ZNF789: variants seen among roughly 807,000 people sequenced by gnomAD.
ZNF789 encodes zinc finger protein 789.
In ZNF789, 11 loss-of-function variants were observed where a neutral mutation model predicts 15.6. That is an observed-to-expected ratio of 0.70 (90% CI 0.44 to 1.16). ZNF789 has a LOEUF of 1.16. Among genes scored for constraint, ZNF789 ranks in the 50% most tolerant of loss-of-function variants. The pLI is 0.00. For synonymous variants in ZNF789, 159 were observed against 176.0 expected, an observed-to-expected ratio of 0.90 and a Z score of 0.76; for missense variants, 461 against 512.6, an observed-to-expected ratio of 0.90 and a Z score of 0.97.
At chr7:99,481,893 C>T in intron 3 of ZNF789, 1 of 416,074 alleles carries the variant, frequency 2.4e-6, no homozygotes, top group East Asian at 4.2e-5. Flanking sequence ...GCCTACTTTC[C>T]AGAAGTAACT....
chr7:99,486,568 G>GA lies in ZNF789; in HGVS notation c.360dup (p.Ser121IlefsTer3). On this transcript the variant is annotated frameshift_variant, in exon 5 of 5. Coordinates refer to ENST00000331410, the MANE Select transcript of ZNF789 (RefSeq NM_213603.3). LOFTEE classifies it low-confidence loss of function (END_TRUNC). ...ATATAAGATATCAGTGGTAATGCAG[G>GA]AATCAGCTGAGAAACTTTCAGAAAA... The GA allele has an allele frequency of 6.2e-7, 1 of 1,614,142 alleles. No individual in the cohort carries two copies. Among genetic ancestry groups the GA allele is most frequent in the Non-Finnish European group, 8.5e-7 (1 of 1,180,040 alleles).
intron 3 of ZNF789, chr7:99,482,259 G>T: frequency 1.3e-6 from 1 of 778,716 alleles, no homozygotes; most frequent in Non-Finnish European, 2.4e-6. Context: ...TTCTAAGAGC[G>T]AAATGACCAC....
At chr7:99,475,890 C>T (rs1373740209) in intron 1 of ZNF789, among the ~76,000 whole-genome samples, 1 of 151,286 alleles carries the variant, frequency 6.6e-6, no homozygotes, top group South Asian at 2.1e-4. Flanking sequence ...CTGCAACCTC[C>T]GCCTCCCAGG....
Position 99,487,219 on chromosome 7 carries a change from A to G in ZNF789, c.1009A>G (p.Lys337Glu), listed in dbSNP as rs1204963999. ...TLLCHQQIHS[K>E]PNTHKCSECG... ...TCTATGTCATCAACAGATTCACAGTAAACCGAACACCCATAAATGCAGTGA... is the reference window on the plus strand; with the variant it reads ...TCTATGTCATCAACAGATTCACAGTGAACCGAACACCCATAAATGCAGTGA... The change falls in exon 5 of 5, where the codon AAA becomes GAA. Residue 337 changes from lysine to glutamate, a missense_variant. Physicochemically the swap from Lys to Glu is moderately conservative, Grantham distance 56. Transcript: ENST00000331410. The G allele has an allele frequency of 1.9e-6, 3 of 1,614,232 alleles. No homozygotes were observed. The highest frequency in any genetic ancestry group is 1.7e-5 in the Admixed American group (1 of 60,018).
intron 4 of ZNF789, chr7:99,485,299 CCTGTG>C (rs1489154787): frequency 7.6e-7 from 1 of 1,314,020 alleles, no homozygotes; most frequent in South Asian, 1.3e-5. Flanking sequence ...TGGGGCATGT[CCTGTG>C]CATTTTAGGA....
intron 3 of ZNF789, among the ~76,000 whole-genome samples, chr7:99,482,567 G>A (rs1350672274): frequency 6.6e-6 from 1 of 152,074 alleles, no homozygotes; most frequent in Non-Finnish European, 1.5e-5. Context: ...AACAAAATTT[G>A]GGGTCAGGCA....
Position 99,482,242 on chromosome 7 carries a change from G to C in ZNF789, c.152-1788G>C, listed in dbSNP as rs748120362. On this transcript the variant is annotated intron_variant, in intron 3 of 4. Coordinates refer to ENST00000331410, the MANE Select transcript of ZNF789 (RefSeq NM_213603.3). ...CATCTTGGTTGCAATTGTACTTTAG[G>C]CTATATTTCTAAGAGCGAAATGACC... 6 of 778,840 alleles carry C rather than the reference G, an allele frequency of 7.7e-6. No homozygotes were observed. In the African/African-American group the frequency reaches 8.5e-5, roughly 11 times the overall value. The allele number at this position is 778,840 out of a possible 1,614,324, so 48.2% of individuals were successfully genotyped here. A position where few individuals can be genotyped will look rare whatever the true frequency, so the allele number is the denominator to read the frequency against.
rs1200584811 is a variant in ZNF789 at position 99,484,156 on chromosome 7, G to A, written c.265+13G>A. 1 of 1,603,460 alleles carries A rather than the reference G, an allele frequency of 6.2e-7. No homozygotes were observed. Among genetic ancestry groups the A allele is most frequent in the Admixed American group, 1.7e-5 (1 of 59,918 alleles). Reference sequence around the variant, plus strand: ...AGTGCTTGCCCAGGTGGGTGAGGAAGAGACCCAGGCGAGTGGAATCAGGAA... The same window carrying A: ...AGTGCTTGCCCAGGTGGGTGAGGAAAAGACCCAGGCGAGTGGAATCAGGAA... On this transcript the variant is annotated intron_variant, in intron 4 of 4. Transcript: ENST00000331410.
intron 2 of ZNF789, chr7:99,478,414 A>G: frequency 7.9e-7 from 1 of 1,267,164 alleles, no homozygotes; most frequent in Non-Finnish European, 1.0e-6. Flanking sequence ...CAGGAAAGAA[A>G]GTCCGTATAA....
chr7:99,486,609 A>G lies in ZNF789; in HGVS notation c.399A>G (p.Lys133=). Residue 133 remains lysine (K), a synonymous_variant, in exon 5 of 5, where the codon AAA becomes AAG. Transcript: ENST00000331410. ...EKLSEKLHKC[K]EFVDSCRLTF... ...TTTCAGAAAAGTTACATAAGTGTAA[A>G]GAATTTGTGGACAGTTGCAGGCTTA... 1 of 1,614,216 alleles carries G rather than the reference A, an allele frequency of 6.2e-7. No individual in the cohort carries two copies. The highest frequency in any genetic ancestry group is 8.5e-7 in the Non-Finnish European group (1 of 1,180,040).
intron 4 of ZNF789, chr7:99,485,165 C>G: frequency 6.5e-7 from 1 of 1,535,000 alleles, no homozygotes; most frequent in Non-Finnish European, 8.7e-7. Context: ...TCCCGTATTT[C>G]CTGACATATC....
At chr7:99,473,210 C>G (rs771336425) in intron 1 of ZNF789, among the ~76,000 whole-genome samples, 154 bp downstream of exon 1, 1 of 152,112 alleles carries the variant, frequency 6.6e-6, no homozygotes, top group Non-Finnish European at 1.5e-5. Flanking sequence ...GGTGTCAAGT[C>G]TTCGGCAGCG....
Position 99,487,026 on chromosome 7 carries a change from T to C in ZNF789, c.816T>C (p.Leu272=), listed in dbSNP as rs746440971. 5 of 1,613,978 alleles carry C rather than the reference T, an allele frequency of 3.1e-6. No homozygotes were observed. The highest frequency in any genetic ancestry group is 4.2e-6 in the Non-Finnish European group (5 of 1,180,042). The change falls in exon 5 of 5, where the codon CTT becomes CTC. Residue 272 remains leucine (L), a synonymous_variant. Transcript: ENST00000331410. ...CGKCFRQLAY[L]VEHKRIHTKE... ...AGTGTTTTCGGCAGCTCGCGTATCT[T>C]GTTGAACATAAGAGGATTCACACCA... is the stretch of plus-strand genomic sequence containing the variant.
At chr7:99,485,129 CTTGCT>C in intron 4 of ZNF789, 1 of 1,508,054 alleles carries the variant, frequency 6.6e-7, no homozygotes, top group Admixed American at 2.0e-5. Context: ...CTCTTGTTCC[CTTGCT>C]TTGTTTTGTT....
At chr7:99,479,143 A>G (rs1799485716) in intron 2 of ZNF789, 1 of 152,704 alleles carries the variant, frequency 6.5e-6, no homozygotes, top group South Asian at 2.1e-4. Flanking sequence ...CCCTTTGTAA[A>G]TAGTCTGCAC....
intron 4 of ZNF789, among the ~76,000 whole-genome samples, chr7:99,484,959 CTG>C (rs1374326712): frequency 6.6e-6 from 1 of 152,096 alleles, no homozygotes; most frequent in Non-Finnish European, 1.5e-5. Flanking sequence ...GAGGTGGACA[CTG>C]GGGTTTGACT....
rs1015822064 is a variant in ZNF789, at chr7:99,476,534, T to A, written c.24+54T>A. 4 of 1,604,418 alleles carry A rather than the reference T, an allele frequency of 2.5e-6. No individual in the cohort carries two copies. The African/African-American group carries it at 5.4e-5, about 21-fold the overall frequency. ...CAGCATAGTCACTGCCACCAGCAGC[T>A]CCTTCCTCAGACTGAGCCCTCTTGA... On this transcript the variant is annotated intron_variant, in intron 2 of 4. Transcript: ENST00000331410.
intron 3 of ZNF789, chr7:99,480,196 A>G: frequency 5.5e-6 from 1 of 181,758 alleles, no homozygotes; most frequent in Non-Finnish European, 1.1e-5. Context: ...GTGGTGGTGC[A>G]CGCTTGTAGT....
chr7:99,475,731 C>A (rs1295329769), intron 1 of ZNF789, among the ~76,000 whole-genome samples: 1 of 151,780 alleles, frequency 6.6e-6, no homozygotes, highest in Admixed American at 6.6e-5. Context: ...ATTTGGGGCC[C>A]ATGCCTCAGA....
Sources: gnomAD v4.1 joint callset for allele counts (sites outside exome capture counted in the v4.1 genomes callset) on GRCh38, gnomAD v4.1.1 for gene constraint, MANE v1.5 for transcripts, NCBI Gene and HGNC (gene_info 2026-07-23, HGNC 2026-07-21) for gene names.